The following APLP2 variants were observed in gnomAD, a reference collection of about 807,000 sequenced individuals.
The protein encoded by APLP2 is CDEI box-binding protein.
Under a neutral mutation model 89.9 loss-of-function variants are expected in APLP2, and 53 were observed. The observed-to-expected ratio is 0.59, with a 90% CI of 0.47 to 0.74. APLP2 has a LOEUF of 0.74. Ranked by LOEUF, APLP2 falls within the 30% of genes least tolerant of loss-of-function variation. The probability of loss-of-function intolerance (pLI) is 0.00; values close to 1 mark genes in which losing one functional copy is unlikely to be tolerated. For synonymous variants in APLP2, 372 were observed against 348.6 expected (o/e 1.07, Z -0.75); for missense variants, 973 against 975.9 (o/e 1.00, Z 0.04).
chr11:130,140,663 A>G, intron 14 of APLP2, 180 bp downstream of exon 14: 1 of 433,650 alleles, frequency 2.3e-6, no homozygotes, highest in Non-Finnish European at 4.1e-6. Context: ...GGGTATGAAA[A>G]GGATTAAAAA....
chr11:130,074,284 C>T (rs369824466), intron 1 of APLP2, among the ~76,000 whole-genome samples: 14 of 152,216 alleles, frequency 9.2e-5, no homozygotes, highest in African/African-American at 3.1e-4. Flanking sequence ...GGCATGATCT[C>T]GGCTTACTGC....
intron 3 of APLP2, among the ~76,000 whole-genome samples, chr11:130,114,059 A>C (rs1008155930): frequency 6.6e-6 from 1 of 152,198 alleles, no homozygotes. Context: ...AAATTCTCCT[A>C]CGTAACCGTG....
chr11:130,133,519 G>A (rs2136071993), intron 11 of APLP2, 110 bp from the exon 12 acceptor site: 1 of 745,090 alleles, frequency 1.3e-6, no homozygotes, highest in Non-Finnish European at 2.4e-6. Flanking sequence ...TAGAGAATAT[G>A]CTTTGTAAAG....
intron 3 of APLP2, 130 bp from the exon 4 acceptor site, chr11:130,120,576 G>A (rs1358410738): frequency 4.4e-6 from 3 of 688,004 alleles, no homozygotes; most frequent in South Asian, 1.7e-5. Flanking sequence ...TTGAAGGTAC[G>A]AGATGTGCAT....
Position 130,070,014 on chromosome 11 carries a change from G to A in APLP2, c.37G>A (p.Gly13Ser). The stretch of plus-strand genomic sequence containing the variant: ...CGGGACCGCGGCCGCCGCAGCCACG[G>A]GCAGGCTCCTGCTTCTGCTGCTGGT... ...ATGTAAAAAT[G>S]RLLLLLLVGL... Residue 13 changes from glycine (G) to serine (S), a missense_variant, in exon 1 of 17, where the codon GGC (glycine) becomes AGC (serine). Gly to Ser is a moderately conservative substitution (Grantham distance 56). Coordinates refer to ENST00000338167, the MANE Select transcript of APLP2 (RefSeq NM_001142276.2). 6.6e-7 allele frequency: 1 copy of A among 1,509,278 alleles called. No individual in the cohort carries two copies. Among genetic ancestry groups the A allele is most frequent in the Non-Finnish European group, 8.8e-7 (1 of 1,134,920 alleles). 93.5% of individuals were successfully genotyped at this position (1,509,278 alleles called of 1,614,324 possible).
intron 3 of APLP2, among the ~76,000 whole-genome samples, chr11:130,115,712 T>G (rs1949082298): frequency 6.6e-6 from 1 of 152,202 alleles, no homozygotes; most frequent in African/African-American, 2.4e-5. Flanking sequence ...GCAAACCATT[T>G]TCAATGTTCT....
chr11:130,110,775 G>T lies in APLP2; in HGVS notation c.403+114G>T, dbSNP rs1948448604. The T allele has an allele frequency of 1.7e-5, 23 of 1,315,298 alleles. No individual in the cohort carries two copies. The South Asian group carries it at 2.9e-4, about 17-fold the overall frequency. 81.5% of individuals were successfully genotyped at this position (1,315,298 alleles called of 1,614,324 possible). A position where few individuals can be genotyped will look rare whatever the true frequency, so the allele number is the denominator to read the frequency against. ...CCTGTTAAGAAGCTGAGTGTGACAT[G>T]AATTTATTGGGGAGGATTTCTCTTA... is the stretch of plus-strand genomic sequence containing the variant. On this transcript the variant is annotated intron_variant, in intron 3 of 16. Transcript: ENST00000338167.
In APLP2 at chr11:130,110,512, T is replaced by G. The variant is rs745785358; in HGVS notation, c.280-26T>G. 1.2e-5 allele frequency: 19 copies of G among 1,609,186 alleles called. No homozygotes were observed. The South Asian group carries it at 1.4e-4, about 12-fold the overall frequency. On this transcript the variant is annotated intron_variant, in intron 2 of 16. Transcript: ENST00000338167. The stretch of plus-strand genomic sequence containing the variant: ...TGTGTCTGTCTGCAGATTGATTTAT[T>G]GTGTGTGTGTTTGTTTTCTTAACAG...
chr11:130,071,829 A>ATT (rs1367633842), intron 1 of APLP2, among the ~76,000 whole-genome samples: 2 of 152,194 alleles, frequency 1.3e-5, no homozygotes, highest in Non-Finnish European at 1.5e-5. Context: ...TTGGAGCTGT[A>ATT]TTTTTGCTCA....
chr11:130,090,247 CTTTTTT>C (rs539249012), intron 1 of APLP2, among the ~76,000 whole-genome samples: 8 of 86,120 alleles, frequency 9.3e-5, no homozygotes, highest in African/African-American at 1.3e-4. Flanking sequence ...CTAGCTCTGT[CTTTTTT>C]TTTTTTTTTT....
intron 1 of APLP2, among the ~76,000 whole-genome samples, chr11:130,072,516 C>T (rs1204178201): frequency 1.3e-5 from 2 of 149,244 alleles, no homozygotes; most frequent in East Asian, 3.9e-4. Flanking sequence ...TCGCTCTGTC[C>T]CAGGCTGGAG....
At chr11:130,104,202 A>C (rs1464577971) in intron 1 of APLP2, among the ~76,000 whole-genome samples, 2 of 140,092 alleles carry the variant, frequency 1.4e-5, no homozygotes, top group East Asian at 2.1e-4. Flanking sequence ...CTTTTGGTAC[A>C]CATCTTTTTT....
At chr11:130,111,498 C>T (rs1007789075) in intron 3 of APLP2, among the ~76,000 whole-genome samples, 2 of 152,176 alleles carry the variant, frequency 1.3e-5, no homozygotes, top group African/African-American at 4.8e-5. Context: ...AACTTATTCT[C>T]CTCTCTCCCT....
At chr11:130,111,403 G>A (rs1202244912) in intron 3 of APLP2, among the ~76,000 whole-genome samples, 1 of 152,170 alleles carries the variant, frequency 6.6e-6, no homozygotes, top group Admixed American at 6.5e-5. Flanking sequence ...ATCAATTTTA[G>A]ATTAGCCCTG....
At chr11:130,070,713 T>A in intron 1 of APLP2, 6 of 1,477,540 alleles carry the variant, frequency 4.1e-6, no homozygotes, top group Non-Finnish European at 5.4e-6. Flanking sequence ...TGGCGCTGTT[T>A]GCCTGCGTCC....
In APLP2 at chr11:130,129,084, G is replaced by A. The variant is rs201114893; in HGVS notation, c.1333G>A (p.Ala445Thr). The A allele has an allele frequency of 4.3e-6, 7 of 1,614,048 alleles. No homozygotes were observed. The highest frequency in any genetic ancestry group is 1.1e-5 in the South Asian group (1 of 91,086). Residue 445 changes from alanine (A) to threonine (T), a missense_variant, in exon 10 of 17, where the codon GCA becomes ACA. Ala to Thr is a moderately conservative substitution (Grantham distance 58, BLOSUM62 0). Coordinates refer to ENST00000338167, the MANE Select transcript of APLP2 (RefSeq NM_001142276.2). ...CATGGTTAAAGCTTTAGAGAAGGAAGCAGCCAGTGAGAAGCAGCAGCTGGT... is the reference window on the plus strand; with the variant it reads ...CATGGTTAAAGCTTTAGAGAAGGAAACAGCCAGTGAGAAGCAGCAGCTGGT... ...QAMVKALEKE[A>T]ASEKQQLVET...
In APLP2 at chr11:130,141,775, G is replaced by T; in HGVS notation, c.1999-144G>T. The T allele has an allele frequency of 9.6e-6, 10 of 1,038,270 alleles. No individual in the cohort carries two copies. Among genetic ancestry groups the T allele is most frequent in the Non-Finnish European group, 1.4e-5 (10 of 715,844 alleles). The allele number at this position is 1,038,270 out of a possible 1,614,324, so 64.3% of individuals were successfully genotyped here. A position where few individuals can be genotyped will look rare whatever the true frequency, so the allele number is the denominator to read the frequency against. ...AAGAGTGGGCGTTCTCCACCTGTGG[G>T]TGGTTCCCTGCAAAGCAGGATCTTG... is the stretch of plus-strand genomic sequence containing the variant. On this transcript the variant is annotated intron_variant, in intron 15 of 16. Coordinates refer to ENST00000338167, the MANE Select transcript of APLP2 (RefSeq NM_001142276.2). This position sits in a 1 kb window ranked among gnomAD's most constrained non-coding sequence, Gnocchi z 4.2.
At chr11:130,092,450 G>C (rs1280817397) in intron 1 of APLP2, among the ~76,000 whole-genome samples, 2 of 126,426 alleles carry the variant, frequency 1.6e-5, no homozygotes, top group East Asian at 2.7e-4. Context: ...CTGAGTGAAC[G>C]AGACTCCGTC....
rs1233106591 is a variant in APLP2, at chr11:130,143,728, G to A, written c.*280G>A. 2 of 338,706 alleles carry A rather than the reference G, an allele frequency of 5.9e-6. No homozygotes were observed. Among genetic ancestry groups the A allele is most frequent in the Non-Finnish European group, 1.1e-5 (2 of 179,858 alleles). 21.0% of individuals were successfully genotyped at this position (338,706 alleles called of 1,614,324 possible). The stretch of plus-strand genomic sequence containing the variant: ...GTAGTTTTCTTTTTTAAATTAATCA[G>A]AAACCCCACTTCCATTGTATTGTCT... On this transcript the variant is annotated 3_prime_UTR_variant, in exon 17 of 17. Transcript: ENST00000338167.
Sources: gnomAD v4.1 joint callset for allele counts (sites outside exome capture counted in the v4.1 genomes callset) on GRCh38, gnomAD v4.1.1 for gene constraint, Gnocchi (gnomAD v3.1) non-coding constraint, MANE v1.5 for transcripts, NCBI Gene and HGNC (gene_info 2026-07-23, HGNC 2026-07-21) for gene names.